The following FOXJ3 variants were observed in gnomAD, a reference collection of about 807,000 sequenced individuals.
FOXJ3 encodes the protein forkhead box protein J3.
A neutral mutation model predicts 76.1 loss-of-function variants in FOXJ3; 22 were observed. The ratio of observed to expected loss-of-function variants is 0.29; its 90% confidence interval spans 0.21 to 0.41. FOXJ3 has a LOEUF of 0.41. Ranked by LOEUF, FOXJ3 falls within the 10% of genes least tolerant of loss-of-function variation. The pLI, the probability that FOXJ3 is intolerant of heterozygous loss-of-function variation, is 1.00. For synonymous variants in FOXJ3, 269 were observed against 261.2 expected (o/e 1.03, Z -0.29); for missense variants, 613 against 762.1 (o/e 0.80, Z 2.30).
intron 2 of FOXJ3, among the ~76,000 whole-genome samples, chr1:42,306,963 A>T (rs1358737128): frequency 6.6e-6 from 1 of 152,144 alleles, no homozygotes; most frequent in Non-Finnish European, 1.5e-5. Context: ...CCCTACCCGT[A>T]TTCTGCTTTG....
intron 1 of FOXJ3, among the ~76,000 whole-genome samples, chr1:42,324,754 C>A (rs1488717039): frequency 6.6e-6 from 1 of 152,134 alleles, no homozygotes; most frequent in Non-Finnish European, 1.5e-5. Flanking sequence ...AGTAAAAATA[C>A]TGTATAAAAG....
intron 1 of FOXJ3, among the ~76,000 whole-genome samples, chr1:42,332,668 C>T (rs2124800271): frequency 6.6e-6 from 1 of 152,254 alleles, no homozygotes; most frequent in South Asian, 2.1e-4. Context: ...AACCCTCTAT[C>T]CTTGAAAGAT....
At chr1:42,313,052 C>A (rs879392866) in intron 1 of FOXJ3, among the ~76,000 whole-genome samples, 1 of 151,902 alleles carries the variant, frequency 6.6e-6, no homozygotes, top group Non-Finnish European at 1.5e-5. Flanking sequence ...ACCTTCATAC[C>A]GGCTGGGCGC....
intron 4 of FOXJ3, among the ~76,000 whole-genome samples, chr1:42,246,507 T>G (rs1002951065): frequency 6.6e-6 from 1 of 151,938 alleles, no homozygotes; most frequent in Non-Finnish European, 1.5e-5. Context: ...TTAGAATAGC[T>G]GTGATTAAAA....
intron 1 of FOXJ3, among the ~76,000 whole-genome samples, chr1:42,324,659 A>T (rs1238097460): frequency 6.6e-6 from 1 of 152,142 alleles, no homozygotes; most frequent in Non-Finnish European, 1.5e-5. Flanking sequence ...TCTAGGCTAC[A>T]AGCTTGAATG....
intron 2 of FOXJ3, among the ~76,000 whole-genome samples, chr1:42,284,864 C>A (rs922854695): frequency 5.3e-5 from 8 of 152,162 alleles, no homozygotes; most frequent in Non-Finnish European, 8.8e-5. Flanking sequence ...TTAATAGTAT[C>A]TGTAACTCTG....
intron 11 of FOXJ3, 68 bp from the exon 12 acceptor site, chr1:42,182,092 T>C (rs1646336618): frequency 1.2e-6 from 1 of 835,468 alleles, no homozygotes; most frequent in Non-Finnish European, 1.9e-6. Context: ...AGCACTAAAA[T>C]CTTAACAGAA....
At chr1:42,225,593 T>C (rs903121412) in intron 5 of FOXJ3, among the ~76,000 whole-genome samples, 1 of 152,204 alleles carries the variant, frequency 6.6e-6, no homozygotes, top group East Asian at 1.9e-4. Context: ...GGGCAACCAA[T>C]ATCCAGCTTA....
intron 5 of FOXJ3, among the ~76,000 whole-genome samples, chr1:42,209,862 C>G (rs565804284): frequency 6.6e-6 from 1 of 152,158 alleles, no homozygotes; most frequent in Admixed American, 6.5e-5. Context: ...CAGATGGAAC[C>G]CCTTGGCCAG....
chr1:42,325,292 GAAGCCATCAGCTTCCCTTA>G (rs981473315), intron 1 of FOXJ3, among the ~76,000 whole-genome samples: 1 of 152,186 alleles, frequency 6.6e-6, no homozygotes, highest in Non-Finnish European at 1.5e-5. Flanking sequence ...AAATAACTAT[GAAGCCATCAGCTTCCCTTA>G]AAGCCATCTA....
intron 4 of FOXJ3, among the ~76,000 whole-genome samples, chr1:42,242,767 A>C (rs535534465): frequency 1.3e-5 from 2 of 152,342 alleles, no homozygotes; most frequent in Non-Finnish European, 2.9e-5. Flanking sequence ...AGGCATAGGA[A>C]GTTTATTTAA....
intron 12 of FOXJ3, among the ~76,000 whole-genome samples, chr1:42,181,408 T>G (rs904391902): frequency 6.6e-6 from 1 of 152,182 alleles, no homozygotes; most frequent in Admixed American, 6.5e-5. Context: ...CTGGAAACTA[T>G]AGCTGGGGGA....
chr1:42,243,752 A>G (rs1649327765), intron 4 of FOXJ3, among the ~76,000 whole-genome samples: 1 of 152,214 alleles, frequency 6.6e-6, no homozygotes, highest in Non-Finnish European at 1.5e-5. Flanking sequence ...CCAACACTGG[A>G]GCAACCAGAT....
intron 1 of FOXJ3, among the ~76,000 whole-genome samples, chr1:42,313,091 T>A (rs932505392): frequency 1.3e-5 from 2 of 152,120 alleles, no homozygotes; most frequent in African/African-American, 4.8e-5. Context: ...TCCCAGCACT[T>A]TGGGAGGCCG....
chr1:42,290,818 A>G (rs1290077441), intron 2 of FOXJ3, among the ~76,000 whole-genome samples: 1 of 152,058 alleles, frequency 6.6e-6, no homozygotes, highest in African/African-American at 2.4e-5. Flanking sequence ...CTATCTTTTA[A>G]ATTTTTATTT....
chr1:42,335,558 T>G (rs1427942912), upstream of FOXJ3: 2 of 152,202 alleles, frequency 1.3e-5, no homozygotes, highest in African/African-American at 4.8e-5. Flanking sequence ...CACGGATACC[T>G]GGGGCCCCAT....
At chr1:42,195,546 AGC>A (rs1646635097) in intron 7 of FOXJ3, among the ~76,000 whole-genome samples, 1 of 152,234 alleles carries the variant, frequency 6.6e-6, no homozygotes, top group Non-Finnish European at 1.5e-5. Flanking sequence ...AGCAACAAGG[AGC>A]TTAAATATGC....
At chr1:42,203,995 CAA>C (rs35629903) in intron 6 of FOXJ3, among the ~76,000 whole-genome samples, 25 of 125,276 alleles carry the variant, frequency 2.0e-4, no homozygotes, top group East Asian at 2.3e-4. Flanking sequence ...GATCCTGTCT[CAA>C]AAAAAAAAAA....
intron 1 of FOXJ3, among the ~76,000 whole-genome samples, chr1:42,315,847 A>G (rs1343740241): frequency 6.6e-6 from 1 of 152,236 alleles, no homozygotes; most frequent in African/African-American, 2.4e-5. Context: ...TTTGGTGCCT[A>G]CAGCATAAAT....
Sources: allele counts gnomAD v4.1 joint callset (sites outside exome capture counted in the v4.1 genomes callset), GRCh38; gene constraint gnomAD v4.1.1; transcripts MANE v1.5; gene names NCBI Gene and HGNC (gene_info 2026-07-23, HGNC 2026-07-21).